The following SLCO3A1 variants were observed in gnomAD, a reference collection of about 807,000 sequenced individuals.
SLCO3A1 encodes the protein PGE1 transporter.
In SLCO3A1, 27 loss-of-function variants were observed where a neutral mutation model predicts 63.1. The observed-to-expected ratio is 0.43, with a 90% CI of 0.32 to 0.59. SLCO3A1 has a LOEUF of 0.59. Among genes scored for constraint, SLCO3A1 ranks in the 20% least tolerant of loss-of-function variants. SLCO3A1 has a pLI of 0.09. For missense variants in SLCO3A1, 773 were observed against 945.8 expected, an observed-to-expected ratio of 0.82 and a Z score of 2.40; for synonymous variants, 473 against 409.9, an observed-to-expected ratio of 1.15 and a Z score of -1.86.
At position 91,956,986 on chromosome 15, in the gene SLCO3A1, A is replaced by G. The variant is rs1337567172; in HGVS notation, c.646+40528A>G. ...TATATATATATATATAGTATATATAATATATAGTATATATTATATATATAA... is the reference window on the plus strand; with the variant it reads ...TATATATATATATATAGTATATATAGTATATAGTATATATTATATATATAA... On this transcript the variant is annotated intron_variant, in intron 2 of 9. Coordinates refer to ENST00000318445, the MANE Select transcript of SLCO3A1 (RefSeq NM_013272.4). Among the ~76,000 whole-genome samples, 12 of 14,976 alleles carry G rather than the reference A, an allele frequency of 8.0e-4. No homozygotes were observed. The African/African-American group carries it at 9.4e-3, about 12-fold the overall frequency. The allele number at this position is 14,976 out of a possible 152,430, so 9.8% of individuals were successfully genotyped here. A position where few individuals can be genotyped will look rare whatever the true frequency, so the allele number is the denominator to read the frequency against.
chr15:91,963,385 G>T (rs573068984), intron 2 of SLCO3A1, among the ~76,000 whole-genome samples: 4 of 120,762 alleles, frequency 3.3e-5, no homozygotes, highest in Non-Finnish European at 5.0e-5. Flanking sequence ...TTTCTCTCTC[G>T]TGAGGGTTTA....
At chr15:92,145,800 G>T (rs1179654090) in intron 7 of SLCO3A1, among the ~76,000 whole-genome samples, 1 of 152,208 alleles carries the variant, frequency 6.6e-6, no homozygotes, top group Non-Finnish European at 1.5e-5. Context: ...CTGAGGGGAA[G>T]GGTGGAGCCC....
chr15:91,931,310 G>A (rs990940327), intron 2 of SLCO3A1, among the ~76,000 whole-genome samples: 6 of 152,174 alleles, frequency 3.9e-5, no homozygotes, highest in Non-Finnish European at 5.9e-5. Flanking sequence ...GGAAGGTGAT[G>A]TCTCCGAACT....
chr15:91,914,254 A>G (rs1048576810), intron 1 of SLCO3A1, among the ~76,000 whole-genome samples: 1 of 151,882 alleles, frequency 6.6e-6, no homozygotes, highest in Admixed American at 6.6e-5. Flanking sequence ...CTCTCCATGC[A>G]CTCCTGCCAT....
At chr15:92,013,956 G>A (rs28418873) in intron 2 of SLCO3A1, among the ~76,000 whole-genome samples, 4,989 of 152,214 alleles carry the variant, frequency 0.033, 276 homozygotes, top group African/African-American at 0.11. Context: ...AAGGCTGAGC[G>A]TACAGTAGGT....
chr15:91,990,265 GTTC>G lies in SLCO3A1; in HGVS notation c.646+73813_646+73815del, dbSNP rs1473503810. ...GTGAAATTGCTTTTAATAGATTTTT[GTTC>G]TTCTTTCTCATGCAACTTTGCCAGA... is the stretch of plus-strand genomic sequence containing the variant. On this transcript the variant is annotated intron_variant, in intron 2 of 9. Coordinates refer to ENST00000318445, the MANE Select transcript of SLCO3A1 (RefSeq NM_013272.4). Among the ~76,000 whole-genome samples, 3 of 152,110 alleles carry G rather than the reference GTTC, an allele frequency of 2.0e-5. No individual in the cohort carries two copies. The East Asian group carries it at 5.8e-4, about 29-fold the overall frequency.
At chr15:92,074,393 C>T (rs1007693558) in intron 2 of SLCO3A1, among the ~76,000 whole-genome samples, 21 of 152,312 alleles carry the variant, frequency 1.4e-4, no homozygotes, top group African/African-American at 4.8e-4. Flanking sequence ...CCTTCATCTG[C>T]AAACAGAACC....
At chr15:91,879,271 A>G (rs1003212474) in intron 1 of SLCO3A1, among the ~76,000 whole-genome samples, 1 of 150,142 alleles carries the variant, frequency 6.7e-6, no homozygotes, top group African/African-American at 2.4e-5. Context: ...TTACACTGTG[A>G]TATGCTTGGT....
intron 1 of SLCO3A1, among the ~76,000 whole-genome samples, chr15:91,896,286 C>T (rs967222365): frequency 6.6e-6 from 1 of 152,188 alleles, no homozygotes; most frequent in Non-Finnish European, 1.5e-5. Flanking sequence ...GATGAGGACT[C>T]AGAGTGATGG....
rs192671847 is a variant in SLCO3A1 at position 92,021,807 on chromosome 15, C to T, written c.647-73074C>T. 1.8e-4 allele frequency among the ~76,000 whole-genome samples: 27 copies of T among 152,158 alleles called. No homozygotes were observed. In the East Asian group the frequency reaches 4.8e-3, roughly 27 times the overall value. ...CGATGACTCTGTGCAAAGCAAGCAC[C>T]AGGGGCACCGAGAACCCAGGGCTAG... On this transcript the variant is annotated intron_variant, in intron 2 of 9. Transcript: ENST00000318445.
chr15:92,092,986 G>T (rs2047495143), intron 2 of SLCO3A1, among the ~76,000 whole-genome samples: 1 of 152,186 alleles, frequency 6.6e-6, no homozygotes, highest in Non-Finnish European at 1.5e-5. Context: ...ATCCAAGTAG[G>T]ATTTTGCTGA....
rs1460829844 is a variant in SLCO3A1 at position 91,941,436 on chromosome 15, G to A, written c.646+24978G>A. The A allele has an allele frequency of 2.3e-6, 1 of 431,166 alleles. No individual in the cohort carries two copies. The highest frequency in any genetic ancestry group is 7.1e-5 in the East Asian group (1 of 14,174). 26.7% of individuals were successfully genotyped at this position (431,166 alleles called of 1,614,324 possible). A position where few individuals can be genotyped will look rare whatever the true frequency, so the allele number is the denominator to read the frequency against. Reference sequence around the variant, plus strand: ...CGGGAGTGGCGCTGTCACTCGTTGAGGTGGTGGCCTGGTTCCTTTGGCCTT... The same window carrying A: ...CGGGAGTGGCGCTGTCACTCGTTGAAGTGGTGGCCTGGTTCCTTTGGCCTT... On this transcript the variant is annotated intron_variant, in intron 2 of 9. Coordinates refer to ENST00000318445, the MANE Select transcript of SLCO3A1 (RefSeq NM_013272.4). The surrounding 1 kb of genome is among the most constrained non-coding windows in gnomAD (Gnocchi z 4.4).
intron 3 of SLCO3A1, among the ~76,000 whole-genome samples, chr15:92,102,392 G>A (rs1439844804): frequency 6.6e-6 from 1 of 152,040 alleles, no homozygotes; most frequent in Non-Finnish European, 1.5e-5. Flanking sequence ...ATAAAAGTGA[G>A]AATAACAAGA....
At chr15:91,926,590 T>C (rs1275975418) in intron 2 of SLCO3A1, among the ~76,000 whole-genome samples, 9 of 107,420 alleles carry the variant, frequency 8.4e-5, no homozygotes, top group African/African-American at 3.6e-4. Flanking sequence ...TGTGTGTGTG[T>C]GTGTGTGCGC....
chr15:92,041,491 G>C (rs1002676442), intron 2 of SLCO3A1, among the ~76,000 whole-genome samples: 1 of 152,144 alleles, frequency 6.6e-6, no homozygotes, highest in African/African-American at 2.4e-5. Flanking sequence ...TTTGTATGCT[G>C]TGAATTCAGG....
chr15:92,034,953 G>C (rs900367473), intron 2 of SLCO3A1, among the ~76,000 whole-genome samples: 2 of 151,856 alleles, frequency 1.3e-5, no homozygotes, highest in African/African-American at 4.8e-5. Context: ...TCTCACCATG[G>C]CACTGTAAGG....
intron 2 of SLCO3A1, among the ~76,000 whole-genome samples, chr15:91,995,002 A>G (rs2046173693): frequency 6.6e-6 from 1 of 152,202 alleles, no homozygotes; most frequent in Non-Finnish European, 1.5e-5. Context: ...AATCCTTTAC[A>G]TGAGCATCTC....
At chr15:92,003,452 T>C (rs2046278688) in intron 2 of SLCO3A1, among the ~76,000 whole-genome samples, 1 of 152,234 alleles carries the variant, frequency 6.6e-6, no homozygotes, top group Non-Finnish European at 1.5e-5. Flanking sequence ...CTGTCATGCA[T>C]TGGCCTCAGC....
At chr15:92,126,346 G>A in intron 6 of SLCO3A1, 87 bp downstream of exon 6, 1 of 1,138,734 alleles carries the variant, frequency 8.8e-7, no homozygotes, top group Non-Finnish European at 1.3e-6. Context: ...AACCAGCTTT[G>A]TTCCTAGTGA....
Sources: gnomAD v4.1 joint callset for allele counts (sites outside exome capture counted in the v4.1 genomes callset) on GRCh38, gnomAD v4.1.1 for gene constraint, Gnocchi (gnomAD v3.1) non-coding constraint, MANE v1.5 for transcripts, NCBI Gene and HGNC (gene_info 2026-07-23, HGNC 2026-07-21) for gene names.